DNAH5: variants seen among roughly 807,000 people sequenced by gnomAD.
The protein encoded by DNAH5 is axonemal beta dynein heavy chain 5.
In DNAH5, 372 loss-of-function variants were observed where a neutral mutation model predicts 518.2. That is an observed-to-expected ratio of 0.72 (90% CI 0.66 to 0.78). DNAH5 has a LOEUF of 0.78. Ranked by LOEUF, DNAH5 falls within the 30% of genes least tolerant of loss-of-function variation. The pLI is 0.00. For missense variants in DNAH5, 5,523 were observed against 5,687.0 expected, an observed-to-expected ratio of 0.97 and a Z score of 0.93; for synonymous variants, 2,039 against 2,025.9, an observed-to-expected ratio of 1.01 and a Z score of -0.17.
intron 1 of DNAH5, among the ~76,000 whole-genome samples, chr5:13,951,199 G>GT (rs1370928443): frequency 4.0e-5 from 2 of 49,902 alleles, no homozygotes; most frequent in Admixed American, 2.2e-4. Context: ...TTTTTTTTTT[G>GT]TTTTTTTCGT....
At chr5:13,797,000 A>C (rs531810656) in intron 47 of DNAH5, among the ~76,000 whole-genome samples, 2 of 152,120 alleles carry the variant, frequency 1.3e-5, no homozygotes, top group African/African-American at 2.4e-5. Flanking sequence ...CTAGCCATAC[A>C]TAGAAAGCTG....
rs551809491 is a variant in DNAH5 at position 13,857,656 on chromosome 5, A to G, written c.4950+1796T>C. ...ACCAAAACAGCATGGTACTGGTACC[A>G]AAACAGATATATAGACCAAGGGAAC... On this transcript the variant is annotated intron_variant, in intron 30 of 78. Coordinates refer to ENST00000265104, the MANE Select transcript of DNAH5 (RefSeq NM_001369.3). Among the ~76,000 whole-genome samples the G allele has an allele frequency of 1.7e-4, 26 of 152,336 alleles. No individual in the cohort carries two copies. The East Asian group carries it at 4.8e-3, about 28-fold the overall frequency.
At chr5:13,794,176 G>C in intron 47 of DNAH5, 118 bp from the exon 48 acceptor site, 1 of 1,306,674 alleles carries the variant, frequency 7.7e-7, no homozygotes, top group African/African-American at 1.5e-5. Context: ...TTTCTAAAAA[G>C]CCAAATTTCC....
At chr5:13,813,476 A>G (rs62340488) in intron 43 of DNAH5, among the ~76,000 whole-genome samples, 1 of 151,390 alleles carries the variant, frequency 6.6e-6, no homozygotes, top group African/African-American at 2.4e-5. Context: ...AAAAAAAACA[A>G]TCCTGAGTTG....
Position 13,825,501 on chromosome 5 carries a change from T to C in DNAH5, c.6445-1168A>G, listed in dbSNP as rs887536459. Among the ~76,000 whole-genome samples the C allele has an allele frequency of 4.6e-5, 7 of 152,306 alleles. No homozygotes were observed. The East Asian group carries it at 1.4e-3, about 29-fold the overall frequency. ...ACGAATGGATAAACAAAATGTGGTATATACATATAACAATATTATTTAGCC... is the reference window on the plus strand; with the variant it reads ...ACGAATGGATAAACAAAATGTGGTACATACATATAACAATATTATTTAGCC... On this transcript the variant is annotated intron_variant, in intron 38 of 78. Transcript: ENST00000265104.
chr5:14,010,964 T>C (rs992865942), intron 1 of DNAH5, among the ~76,000 whole-genome samples: 1 of 151,302 alleles, frequency 6.6e-6, no homozygotes, highest in South Asian at 2.1e-4. Context: ...AAACAAGTAC[T>C]GAACTTGGAT....
At chr5:13,852,886 A>T (rs992414495) in intron 30 of DNAH5, among the ~76,000 whole-genome samples, 5 of 152,166 alleles carry the variant, frequency 3.3e-5, no homozygotes, top group Admixed American at 6.5e-5. Context: ...CTTATAGATA[A>T]AACTCTCATC....
At chr5:13,916,072 T>C (rs1188062195) in intron 9 of DNAH5, among the ~76,000 whole-genome samples, 1 of 151,870 alleles carries the variant, frequency 6.6e-6, no homozygotes, top group Non-Finnish European at 1.5e-5. Flanking sequence ...CTAAACCACA[T>C]AGGAAAGAAA....
chr5:13,916,809 A>G (rs1396057971), intron 8 of DNAH5, among the ~76,000 whole-genome samples: 3 of 152,106 alleles, frequency 2.0e-5, no homozygotes, highest in African/African-American at 7.2e-5. Flanking sequence ...ATCACTAGCT[A>G]ATGACTTTTC....
chr5:13,919,376 C>T (rs375743858), intron 6 of DNAH5, 24 bp from the exon 7 acceptor site: 10 of 1,611,054 alleles, frequency 6.2e-6, no homozygotes, highest in Middle Eastern at 1.7e-4. Context: ...GGGAAAAACA[C>T]GAGCCATTGC....
At chr5:13,999,753 T>A (rs1784220268) in intron 1 of DNAH5, among the ~76,000 whole-genome samples, 1 of 152,210 alleles carries the variant, frequency 6.6e-6, no homozygotes, top group Non-Finnish European at 1.5e-5. Context: ...TTTGTTAATT[T>A]TTTAAGAACC....
chr5:13,950,013 C>A (rs1157078819), intron 1 of DNAH5, among the ~76,000 whole-genome samples: 4 of 152,146 alleles, frequency 2.6e-5, no homozygotes, highest in African/African-American at 9.7e-5. Flanking sequence ...GAAAAATGCA[C>A]AACCTAAGTG....
rs1766709657 is a variant in DNAH5, at chr5:13,850,680, A to G, written c.5086T>C (p.Leu1696=). 2 of 1,613,920 alleles carry G rather than the reference A, an allele frequency of 1.2e-6. No homozygotes were observed. Among genetic ancestry groups the G allele is most frequent in the African/African-American group, 1.3e-5 (1 of 74,916 alleles). The change falls in exon 31 of 79, where the codon TTG becomes CTG. Residue 1696 remains leucine, a synonymous_variant. Coordinates refer to ENST00000265104, the MANE Select transcript of DNAH5 (RefSeq NM_001369.3). ...GQLLPHLLDQ[L]EICQKSLTGY... ...GTAAGGGATTTCTGGCATATTTCCA[A>G]CTGGTCCAGCAAGTGTGGTAACAGC... is the stretch of plus-strand genomic sequence containing the variant.
chr5:13,914,496 T>C, intron 10 of DNAH5, 24 bp downstream of exon 10: 1 of 1,610,490 alleles, frequency 6.2e-7, no homozygotes, highest in Non-Finnish European at 8.5e-7. Flanking sequence ...GAATAGAACA[T>C]CTAAATACTA....
chr5:13,942,478 T>C (rs1167720652), intron 1 of DNAH5, among the ~76,000 whole-genome samples: 1 of 152,238 alleles, frequency 6.6e-6, no homozygotes, highest in Non-Finnish European at 1.5e-5. Context: ...GGCCAAACTT[T>C]AGTCAGGTTC....
chr5:13,841,249 C>T, intron 33 of DNAH5, 119 bp from the exon 34 acceptor site: 2 of 790,532 alleles, frequency 2.5e-6, no homozygotes, highest in Non-Finnish European at 4.1e-6. Context: ...ATTACATCAA[C>T]TTTGATACCT....
chr5:14,005,712 T>G (rs1784680846), intron 1 of DNAH5, among the ~76,000 whole-genome samples: 1 of 152,260 alleles, frequency 6.6e-6, no homozygotes, highest in African/African-American at 2.4e-5. Flanking sequence ...TTCTGGAGTT[T>G]GCATTTAAAA....
intron 38 of DNAH5, among the ~76,000 whole-genome samples, chr5:13,827,950 T>A (rs1763117232): frequency 6.6e-6 from 1 of 152,234 alleles, no homozygotes; most frequent in Admixed American, 6.5e-5. Context: ...CCTTCCACCA[T>A]GATTGTAAGT....
rs1402602187 is a variant in DNAH5, at chr5:13,901,347, T to G, written c.1957A>C (p.Thr653Pro). 8 of 1,614,158 alleles carry G rather than the reference T, an allele frequency of 5.0e-6. No homozygotes were observed. The highest frequency in any genetic ancestry group is 6.8e-6 in the Non-Finnish European group (8 of 1,180,020). ...CGAATTATAGGTTTGGCTTCTGCCG[T>G]GCTTAGCACAGCTGGGTGCTGCTGG... ...LFQQHPAVLS[T>P]AEAKPIIRSY... The change falls in exon 14 of 79, where the codon ACG becomes CCG. Residue 653 changes from threonine to proline, a missense_variant. Coordinates refer to ENST00000265104, the MANE Select transcript of DNAH5 (RefSeq NM_001369.3).
Sources: gnomAD v4.1 joint callset for allele counts (sites outside exome capture counted in the v4.1 genomes callset) on GRCh38, gnomAD v4.1.1 for gene constraint, MANE v1.5 for transcripts, NCBI Gene and HGNC (gene_info 2026-07-23, HGNC 2026-07-21) for gene names.